Variants in KCNMB2 observed in about 807,000 individuals in gnomAD.
KCNMB2 encodes the protein calcium-activated potassium channel subunit beta-2.
KCNMB2 carries 9 observed loss-of-function variants against 24.5 expected under a neutral mutation model. The observed-to-expected ratio is 0.37, with a 90% confidence interval of 0.22 to 0.64. The LOEUF is 0.64. KCNMB2 is among the 30% of genes least tolerant of loss of function. KCNMB2 has a pLI of 0.63. For missense variants in KCNMB2, 226 were observed against 284.3 expected, an observed-to-expected ratio of 0.79 and a Z score of 1.47; for synonymous variants, 109 against 104.4, an observed-to-expected ratio of 1.04 and a Z score of -0.27.
chr3:178,797,444 C>A (rs1713594869), intron 1 of KCNMB2, among the ~76,000 whole-genome samples: 1 of 152,070 alleles, frequency 6.6e-6, no homozygotes, highest in Admixed American at 6.5e-5. Context: ...AACTACAGGC[C>A]AATATCCCTG....
chr3:178,683,461 C>G (rs138682502), intron 1 of KCNMB2, among the ~76,000 whole-genome samples: 3 of 152,150 alleles, frequency 2.0e-5, no homozygotes, highest in Non-Finnish European at 2.9e-5. Context: ...TGCACATGTA[C>G]CCACTGAATC....
At chr3:178,839,686 G>A (rs1333648454) in intron 4 of KCNMB2, among the ~76,000 whole-genome samples, 2 of 152,082 alleles carry the variant, frequency 1.3e-5, no homozygotes, top group Non-Finnish European at 2.9e-5. Context: ...ATGAGGGCCA[G>A]GGGGCTGCCA....
chr3:178,696,615 T>A (rs1161759172), intron 1 of KCNMB2, among the ~76,000 whole-genome samples: 1 of 152,178 alleles, frequency 6.6e-6, no homozygotes, highest in Non-Finnish European at 1.5e-5. Context: ...CAGTTCTGAT[T>A]TTTGTTATTT....
chr3:178,683,082 C>A (rs887812412), intron 1 of KCNMB2, among the ~76,000 whole-genome samples: 3 of 152,150 alleles, frequency 2.0e-5, no homozygotes, highest in African/African-American at 2.4e-5. Context: ...GACATGGAAT[C>A]AACCATGGTA....
chr3:178,659,752 G>T (rs1720460238), intron 1 of KCNMB2, among the ~76,000 whole-genome samples: 1 of 152,150 alleles, frequency 6.6e-6, no homozygotes, highest in Non-Finnish European at 1.5e-5. Flanking sequence ...TCATATGAAA[G>T]TTATGTTAAT....
intron 1 of KCNMB2, among the ~76,000 whole-genome samples, chr3:178,730,405 A>ACCCCCCCCC (rs71181246): frequency 1.8e-5 from 2 of 112,148 alleles, no homozygotes; most frequent in African/African-American, 3.7e-5. Flanking sequence ...GTCCCCCAAC[A>ACCCCCCCCC]CCCCCCCACA....
At chr3:178,816,249 A>G (rs1358987636) in intron 2 of KCNMB2, among the ~76,000 whole-genome samples, 1 of 151,926 alleles carries the variant, frequency 6.6e-6, no homozygotes, top group Admixed American at 6.5e-5. Flanking sequence ...TGTATATTTC[A>G]GGAAGTTATA....
At chr3:178,570,919 T>C (rs1404432694) in intron 1 of KCNMB2, among the ~76,000 whole-genome samples, 4 of 152,144 alleles carry the variant, frequency 2.6e-5, no homozygotes, top group Non-Finnish European at 5.9e-5. Context: ...CATTCAACAA[T>C]GCTTTGAAAT....
At chr3:178,804,285 C>T (rs968917442) in intron 1 of KCNMB2, among the ~76,000 whole-genome samples, 2 of 152,154 alleles carry the variant, frequency 1.3e-5, no homozygotes, top group Non-Finnish European at 2.9e-5. Flanking sequence ...TGGGAAAGAA[C>T]CTCCAAGCCA....
chr3:178,599,384 C>T (rs1341083170), intron 1 of KCNMB2, among the ~76,000 whole-genome samples: 1 of 152,060 alleles, frequency 6.6e-6, no homozygotes, highest in Non-Finnish European at 1.5e-5. Context: ...TGATGAATAG[C>T]TTGGAATTAT....
intron 1 of KCNMB2, among the ~76,000 whole-genome samples, chr3:178,718,498 C>A (rs1722692562): frequency 6.6e-6 from 1 of 152,210 alleles, no homozygotes; most frequent in Admixed American, 6.5e-5. Flanking sequence ...CGTGTTCCCC[C>A]ACTCTGGAAT....
In KCNMB2 at chr3:178,631,245, G is replaced by A. The variant is rs79625690; in HGVS notation, c.-68+94534G>A. Reference sequence around the variant, plus strand: ...TCCCACTTCATATTCCTTCTTCTCCGTGACTGATAAACCTCTCAGTACTTT... The same window carrying A: ...TCCCACTTCATATTCCTTCTTCTCCATGACTGATAAACCTCTCAGTACTTT... On this transcript the variant is annotated intron_variant, in intron 1 of 4. Transcript: ENST00000452583. 4.5e-3 allele frequency among the ~76,000 whole-genome samples: 686 copies of A among 152,086 alleles called. 28 individuals carry two copies. The East Asian group carries it at 0.097, about 22-fold the overall frequency.
At chr3:178,594,166 G>A (rs1179994027) in intron 1 of KCNMB2, among the ~76,000 whole-genome samples, 1 of 151,928 alleles carries the variant, frequency 6.6e-6, no homozygotes, top group African/African-American at 2.4e-5. Flanking sequence ...GACAGAAAAT[G>A]AGGCAGATCA....
intron 1 of KCNMB2, among the ~76,000 whole-genome samples, chr3:178,807,101 A>G (rs1352551186): frequency 2.6e-5 from 4 of 152,216 alleles, no homozygotes; most frequent in Non-Finnish European, 2.9e-5. Context: ...CGTTCTCCTA[A>G]GGCAGTAATT....
At chr3:178,651,538 T>C (rs746567971) in intron 1 of KCNMB2, among the ~76,000 whole-genome samples, 4 of 152,154 alleles carry the variant, frequency 2.6e-5, no homozygotes, top group Admixed American at 1.3e-4. Flanking sequence ...CGAGCTACCA[T>C]TGACTTTCTT....
At chr3:178,732,253 G>T (rs1050831608) in intron 1 of KCNMB2, among the ~76,000 whole-genome samples, 1 of 152,096 alleles carries the variant, frequency 6.6e-6, no homozygotes, top group Non-Finnish European at 1.5e-5. Flanking sequence ...ATTGAAAATA[G>T]ATACTAATCT....
At chr3:178,665,988 G>A (rs2108576092) in intron 1 of KCNMB2, among the ~76,000 whole-genome samples, 1 of 152,272 alleles carries the variant, frequency 6.6e-6, no homozygotes, top group Admixed American at 6.5e-5. Flanking sequence ...AAGTATGTAT[G>A]ATGTGGCTTT....
At chr3:178,561,449 C>T (rs1560109328) in intron 1 of KCNMB2, among the ~76,000 whole-genome samples, 1 of 152,146 alleles carries the variant, frequency 6.6e-6, no homozygotes, top group Non-Finnish European at 1.5e-5. Flanking sequence ...CAGCTGAGTT[C>T]TATTCTTGGT....
intron 1 of KCNMB2, among the ~76,000 whole-genome samples, chr3:178,608,839 A>C (rs1010840801): frequency 6.6e-6 from 1 of 152,186 alleles, no homozygotes; most frequent in Non-Finnish European, 1.5e-5. Flanking sequence ...TTATGGTTAA[A>C]TAGTACTCCA....
Sources: gnomAD v4.1 joint callset for allele counts (sites outside exome capture counted in the v4.1 genomes callset) on GRCh38, gnomAD v4.1.1 for gene constraint, MANE v1.5 for transcripts, NCBI Gene and HGNC (gene_info 2026-07-23, HGNC 2026-07-21) for gene names.